CRIPT: variants seen among roughly 807,000 people sequenced by gnomAD.
CRIPT encodes cysteine-rich PDZ-binding protein.
CRIPT carries 20 observed loss-of-function variants against 16.6 expected under a neutral mutation model. That is an observed-to-expected ratio of 1.20 (90% confidence interval 0.85 to 1.75). The LOEUF is 1.75. CRIPT is among the 40% of genes most tolerant of loss of function. The pLI is 0.00. For synonymous variants in CRIPT, 42 were observed against 37.0 expected, an observed-to-expected ratio of 1.14 and a Z score of -0.49; for missense variants, 133 against 115.3, an observed-to-expected ratio of 1.15 and a Z score of -0.70.
Position 46,619,633 on chromosome 2 carries a change from GT to G in CRIPT, c.90del (p.Gly31GlufsTer4). ...ATCTTTTATTCTGATACAGAAAGTG[GT>G]GGAAGAAAGCTGAATGAAAATAAAG... The part of the protein sequence containing the change: ...KDGARNTTES[G>X]GRKLNENKAL... On this transcript the variant is annotated frameshift_variant, in exon 3 of 5. Coordinates refer to ENST00000238892, the MANE Select transcript of CRIPT (RefSeq NM_014171.6). LOFTEE classifies it high-confidence loss of function. 1 of 1,609,848 alleles carries G rather than the reference GT, an allele frequency of 6.2e-7. No individual in the cohort carries two copies. Among genetic ancestry groups the G allele is most frequent in the Non-Finnish European group, 8.5e-7 (1 of 1,177,260 alleles).
chr2:46,626,132 T>C lies in CRIPT; in HGVS notation c.*1905T>C, dbSNP rs1404162633. ...CAGTAGTCCCCTATGTCTGTTCTCA[T>C]TTTTATGTCCATGTGTACCCATTGC... On this transcript the variant is annotated 3_prime_UTR_variant, in exon 5 of 5. Transcript: ENST00000238892. Among the ~76,000 whole-genome samples, 1 of 152,112 alleles carries C rather than the reference T, an allele frequency of 6.6e-6. No individual in the cohort carries two copies. Among genetic ancestry groups the C allele is most frequent in the East Asian group, 1.9e-4 (1 of 5,196 alleles).
At chr2:46,623,326 T>A (rs1447709955) in intron 3 of CRIPT, among the ~76,000 whole-genome samples, 1 of 152,186 alleles carries the variant, frequency 6.6e-6, no homozygotes, top group Non-Finnish European at 1.5e-5. Context: ...GGAGTTACTT[T>A]CCTAGTGATT....
At position 46,623,796 on chromosome 2, in the gene CRIPT, C is replaced by G. The variant is rs375275632; in HGVS notation, c.170C>G (p.Thr57Ser). The G allele has an allele frequency of 5.0e-6, 8 of 1,608,430 alleles. No individual in the cohort carries two copies. Among genetic ancestry groups the G allele is most frequent in the Non-Finnish European group, 6.8e-6 (8 of 1,176,730 alleles). The change falls in exon 4 of 5, where the codon ACT becomes AGT. Residue 57 changes from threonine to serine, a missense_variant. Coordinates refer to ENST00000238892, the MANE Select transcript of CRIPT (RefSeq NM_014171.6). The part of the protein sequence containing the change: ...FDPYGKNKFS[T>S]CRICKSSVHQ... The stretch of plus-strand genomic sequence containing the variant: ...CCATATGGAAAGAATAAGTTCTCCA[C>G]TTGTAGAATTTGTAAAAGTTCTGTG...
chr2:46,618,969 T>C, intron 2 of CRIPT, 131 bp downstream of exon 2: 1 of 568,570 alleles, frequency 1.8e-6, no homozygotes, highest in South Asian at 2.6e-5. Flanking sequence ...TAAAGAATAC[T>C]GGGTCCTCAA....
At position 46,629,683 on chromosome 2, in the gene CRIPT, C is replaced by T. The variant is rs1484985468; in HGVS notation, c.*5456C>T. Reference sequence around the variant, plus strand: ...GTAAGTGATATGTATTGCAGGTATACATCCAGATGCACAGAATGTCCATTT... The same window carrying T: ...GTAAGTGATATGTATTGCAGGTATATATCCAGATGCACAGAATGTCCATTT... On this transcript the variant is annotated 3_prime_UTR_variant, in exon 5 of 5. Coordinates refer to ENST00000238892, the MANE Select transcript of CRIPT (RefSeq NM_014171.6). 6.6e-6 allele frequency among the ~76,000 whole-genome samples: 1 copy of T among 152,172 alleles called. No individual in the cohort carries two copies. The highest frequency in any genetic ancestry group is 1.5e-5 in the Non-Finnish European group (1 of 68,042).
rs1670684217 is a variant in CRIPT, at chr2:46,617,311, GC to G, written c.16+15del. 6.4e-7 allele frequency: 1 copy of G among 1,554,068 alleles called. No individual in the cohort carries two copies. Among genetic ancestry groups the G allele is most frequent in the Non-Finnish European group, 8.7e-7 (1 of 1,147,924 alleles). On this transcript the variant is annotated intron_variant, in intron 1 of 4. Coordinates refer to ENST00000238892, the MANE Select transcript of CRIPT (RefSeq NM_014171.6). ...GTGTGCGAAAAATGTGAGTTAAGGGGCCGCTTCTGCGGGAGGAGGAGGCTGG... is the reference window on the plus strand; with the variant it reads ...GTGTGCGAAAAATGTGAGTTAAGGGGCGCTTCTGCGGGAGGAGGAGGCTGG...
chr2:46,625,297 C>T lies in CRIPT; in HGVS notation c.*1070C>T, dbSNP rs1178717734. ...TGTTGCCCAAGCTGTTCTCGAACTT[C>T]TGATCTCAAGCAATCCTCTGGCCTC... On this transcript the variant is annotated 3_prime_UTR_variant, in exon 5 of 5. Coordinates refer to ENST00000238892, the MANE Select transcript of CRIPT (RefSeq NM_014171.6). 2 of 147,018 alleles carry T rather than the reference C, an allele frequency of 1.4e-5. No homozygotes were observed. Among genetic ancestry groups the T allele is most frequent in the South Asian group, 2.2e-4 (1 of 4,562 alleles). The allele number at this position is 147,018 out of a possible 1,614,324, so 9.1% of individuals were successfully genotyped here.
At chr2:46,617,970 G>C (rs1488340068) in intron 1 of CRIPT, among the ~76,000 whole-genome samples, 2 of 150,486 alleles carry the variant, frequency 1.3e-5, no homozygotes, top group African/African-American at 2.5e-5. Context: ...AATACTCTTT[G>C]TGCCCATGTG....
intron 3 of CRIPT, among the ~76,000 whole-genome samples, chr2:46,622,721 G>C (rs1670841755): frequency 1.3e-5 from 2 of 152,036 alleles, no homozygotes; most frequent in African/African-American, 2.4e-5. Context: ...GCTGAGACAG[G>C]AGAATTGCTT....
rs984699860 is a variant in CRIPT, at chr2:46,625,189, A to G, written c.*962A>G. ...TGGGCTCAAGCAATTCTTCCCCCTCAGCCTCCTAAGTAGCTGGGGACTACA... is the reference window on the plus strand; with the variant it reads ...TGGGCTCAAGCAATTCTTCCCCCTCGGCCTCCTAAGTAGCTGGGGACTACA... On this transcript the variant is annotated 3_prime_UTR_variant, in exon 5 of 5. Coordinates refer to ENST00000238892, the MANE Select transcript of CRIPT (RefSeq NM_014171.6). The G allele has an allele frequency of 6.8e-6, 1 of 148,084 alleles. No individual in the cohort carries two copies. Among genetic ancestry groups the G allele is most frequent in the Non-Finnish European group, 1.5e-5 (1 of 67,552 alleles). The allele number at this position is 148,084 out of a possible 1,614,324, so 9.2% of individuals were successfully genotyped here.
At chr2:46,619,509 G>T in intron 2 of CRIPT, 118 bp from the exon 3 acceptor site, 1 of 593,308 alleles carries the variant, frequency 1.7e-6, no homozygotes, top group Non-Finnish European at 2.9e-6. Flanking sequence ...TATTAAATGA[G>T]GATTTAAAAA....
intron 3 of CRIPT, among the ~76,000 whole-genome samples, chr2:46,621,117 G>C (rs766586377): frequency 6.6e-6 from 1 of 152,132 alleles, no homozygotes; most frequent in Non-Finnish European, 1.5e-5. Flanking sequence ...CTAGTTTCCC[G>C]CAGTTGTCTC....
In CRIPT at chr2:46,629,916, A is replaced by G. The variant is rs1309801910; in HGVS notation, c.*5689A>G. Among the ~76,000 whole-genome samples the G allele has an allele frequency of 6.6e-6, 1 of 152,154 alleles. No homozygotes were observed. The highest frequency in any genetic ancestry group is 2.4e-5 in the African/African-American group (1 of 41,424). ...CTTGTCTGAATAAATTTTTACTAGG[A>G]TGTTTCCAAAATTGTGATTGTTCTA... On this transcript the variant is annotated 3_prime_UTR_variant, in exon 5 of 5. Coordinates refer to ENST00000238892, the MANE Select transcript of CRIPT (RefSeq NM_014171.6).
At chr2:46,620,252 C>T (rs1396907462) in intron 3 of CRIPT, among the ~76,000 whole-genome samples, 1 of 152,124 alleles carries the variant, frequency 6.6e-6, no homozygotes, top group African/African-American at 2.4e-5. Context: ...AGTTTGAGAG[C>T]AGCCTGGGCA....
intron 3 of CRIPT, among the ~76,000 whole-genome samples, chr2:46,620,718 A>G (rs1053443573): frequency 2.0e-5 from 3 of 147,660 alleles, no homozygotes; most frequent in Non-Finnish European, 3.0e-5. Context: ...ATATTATTAT[A>G]TATATATTAT....
rs13430706 is a variant in CRIPT, at chr2:46,624,043, T to A, written c.242-120T>A. 0.062 allele frequency: 20,551 copies of A among 329,754 alleles called. 1,054 individuals are homozygous for A. Among genetic ancestry groups the A allele is most frequent in the African/African-American group, 0.23 (9,094 of 39,066 alleles). The allele number at this position is 329,754 out of a possible 1,614,324, so 20.4% of individuals were successfully genotyped here. The stretch of plus-strand genomic sequence containing the variant: ...ATTAAAATTATATATATATATATAT[T>A]TTTTTTTTCTTTTCTTTTCTTTCCT... On this transcript the variant is annotated intron_variant, in intron 4 of 4. Transcript: ENST00000238892.
chr2:46,618,930 G>A, intron 2 of CRIPT, 92 bp downstream of exon 2: 1 of 779,804 alleles, frequency 1.3e-6, no homozygotes, highest in Non-Finnish European at 2.1e-6. Flanking sequence ...GAAATGTTAT[G>A]TGTTCAAAGT....
At position 46,625,316 on chromosome 2, in the gene CRIPT, T is replaced by C. The variant is rs1181974206; in HGVS notation, c.*1089T>C. On this transcript the variant is annotated 3_prime_UTR_variant, in exon 5 of 5. Transcript: ENST00000238892. ...GAACTTCTGATCTCAAGCAATCCTC[T>C]GGCCTCAGCCTTCCGAAGTGCTGGG... 6.6e-6 allele frequency: 1 copy of C among 150,460 alleles called. No homozygotes were observed. Among genetic ancestry groups the C allele is most frequent in the Non-Finnish European group, 1.5e-5 (1 of 67,662 alleles). 9.3% of individuals were successfully genotyped at this position (150,460 alleles called of 1,614,324 possible). A position where few individuals can be genotyped will look rare whatever the true frequency, so the allele number is the denominator to read the frequency against.
At position 46,626,618 on chromosome 2, in the gene CRIPT, C is replaced by G. The variant is rs1670944735; in HGVS notation, c.*2391C>G. Among the ~76,000 whole-genome samples, 1 of 152,154 alleles carries G rather than the reference C, an allele frequency of 6.6e-6. No individual in the cohort carries two copies. The highest frequency in any genetic ancestry group is 2.4e-5 in the African/African-American group (1 of 41,440). On this transcript the variant is annotated 3_prime_UTR_variant, in exon 5 of 5. Transcript: ENST00000238892. ...AAGCATTCCGTTTTTCCCACAGCCTCACCAGCATCTGTTATTTTTTTGACT... is the reference window on the plus strand; with the variant it reads ...AAGCATTCCGTTTTTCCCACAGCCTGACCAGCATCTGTTATTTTTTTGACT...
Sources: gnomAD v4.1 joint callset for allele counts (sites outside exome capture counted in the v4.1 genomes callset) on GRCh38, gnomAD v4.1.1 for gene constraint, MANE v1.5 for transcripts, NCBI Gene and HGNC (gene_info 2026-07-23, HGNC 2026-07-21) for gene names.